SLC15A4: variants seen among roughly 807,000 people sequenced by gnomAD.
SLC15A4 encodes hPHT1.
Under a neutral mutation model 46.1 loss-of-function variants are expected in SLC15A4, and 26 were observed. The ratio of observed to expected loss-of-function variants is 0.56; its 90% CI spans 0.41 to 0.78. The LOEUF is 0.78. SLC15A4 is among the 30% of genes least tolerant of loss of function. The pLI, the probability that SLC15A4 is intolerant of heterozygous loss-of-function variation, is 0.00. For missense variants in SLC15A4, 751 were observed against 755.7 expected (o/e 0.99, Z 0.07); for synonymous variants, 370 against 333.4 (o/e 1.11, Z -1.20).
At chr12:128,806,902 CTTT>C (rs34407311) in intron 5 of SLC15A4, among the ~76,000 whole-genome samples, 3 of 108,280 alleles carry the variant, frequency 2.8e-5, no homozygotes, top group African/African-American at 7.3e-5. Context: ...TTTGCTAGCG[CTTT>C]TTTTTTTTTT....
intron 7 of SLC15A4, among the ~76,000 whole-genome samples, 176 bp from the exon 8 acceptor site, chr12:128,794,532 A>G (rs920215637): frequency 2.6e-5 from 4 of 152,330 alleles, no homozygotes; most frequent in Admixed American, 6.5e-5. Context: ...CCACTGAAGA[A>G]GCTCCCTGAA....
chr12:128,808,807 C>A lies in SLC15A4; in HGVS notation c.1239G>T (p.Met413Ile), dbSNP rs1955618262. The A allele has an allele frequency of 1.9e-6, 3 of 1,614,028 alleles. No homozygotes were observed. The highest frequency in any genetic ancestry group is 1.7e-5 in the Admixed American group (1 of 60,008). Residue 413 changes from methionine to isoleucine, a missense_variant, in exon 5 of 8, where the codon ATG becomes ATT. Coordinates refer to ENST00000266771, the MANE Select transcript of SLC15A4 (RefSeq NM_145648.4). ...KRIAVGMFFV[M>I]CSAFAAGILE... The stretch of plus-strand genomic sequence containing the variant: ...TCTTACCTGCAGCAAAGGCCGAGCA[C>A]ATGACAAAGAACATGCCCACGGCGA...
intron 7 of SLC15A4, among the ~76,000 whole-genome samples, chr12:128,796,192 A>G (rs1333182351): frequency 1.3e-5 from 2 of 152,148 alleles, no homozygotes; most frequent in African/African-American, 4.8e-5. Context: ...TGGGAGGCCA[A>G]GGTGGGTGAT....
At position 128,823,888 on chromosome 12, in the gene SLC15A4, C is replaced by CG; in HGVS notation, c.55dup (p.Arg19ProfsTer166). 1 of 943,424 alleles carries CG rather than the reference C, an allele frequency of 1.1e-6. No homozygotes were observed. Among genetic ancestry groups the CG allele is most frequent in the Non-Finnish European group, 1.3e-6 (1 of 794,364 alleles). 58.4% of individuals were successfully genotyped at this position (943,424 alleles called of 1,614,324 possible). The stretch of plus-strand genomic sequence containing the variant: ...AGCCGCCGCCGCGGCCGCCGCCGCC[C>CG]GCCGCGCGCCCAGCAGCGGCGCCCG... On this transcript the variant is annotated frameshift_variant, in exon 1 of 8. Transcript: ENST00000266771. LOFTEE classifies it high-confidence loss of function.
intron 1 of SLC15A4, among the ~76,000 whole-genome samples, chr12:128,817,183 C>G (rs576619716): frequency 1.3e-5 from 2 of 152,186 alleles, no homozygotes; most frequent in Non-Finnish European, 2.9e-5. Flanking sequence ...AGGTCCTAGA[C>G]CAAATGCAGA....
intron 2 of SLC15A4, among the ~76,000 whole-genome samples, chr12:128,812,734 G>A (rs577745802): frequency 1.2e-4 from 18 of 152,252 alleles, no homozygotes; most frequent in African/African-American, 3.9e-4. Context: ...AGGCCCCACC[G>A]TGAGCCCATG....
At chr12:128,813,844 A>C (rs1252963741) in intron 2 of SLC15A4, 1 of 152,306 alleles carries the variant, frequency 6.6e-6, no homozygotes, top group Non-Finnish European at 1.5e-5. Context: ...TGGTGGTTAC[A>C]CAACCTGAGT....
rs1566042198 is a variant in SLC15A4 at position 128,793,865 on chromosome 12, T to C, written c.*331A>G. On this transcript the variant is annotated 3_prime_UTR_variant, in exon 8 of 8. Transcript: ENST00000266771. ...AGAAACTGGGATGCCAACTAACACG[T>C]GGAGTTCCCCAAGACTTTGCAATCT... 1 of 203,962 alleles carries C rather than the reference T, an allele frequency of 4.9e-6. No homozygotes were observed. The highest frequency in any genetic ancestry group is 9.7e-6 in the Non-Finnish European group (1 of 102,880). 12.6% of individuals were successfully genotyped at this position (203,962 alleles called of 1,614,324 possible).
chr12:128,810,392 C>G, intron 2 of SLC15A4: 1 of 380,000 alleles, frequency 2.6e-6, no homozygotes, highest in Non-Finnish European at 4.9e-6. Context: ...CAGTGTGAAC[C>G]ACGGCTGAGC....
chr12:128,794,121 T>C lies in SLC15A4; in HGVS notation c.*75A>G. ...TCAGACATTTTATGGGAATTTAAAG[T>C]CTTGCCTGTTCTCAGTGCACCCCAG... is the stretch of plus-strand genomic sequence containing the variant. On this transcript the variant is annotated 3_prime_UTR_variant, in exon 8 of 8. Transcript: ENST00000266771. 1 of 1,340,636 alleles carries C rather than the reference T, an allele frequency of 7.5e-7. No homozygotes were observed. Among genetic ancestry groups the C allele is most frequent in the Non-Finnish European group, 1.0e-6 (1 of 975,562 alleles). 83.0% of individuals were successfully genotyped at this position (1,340,636 alleles called of 1,614,324 possible).
chr12:128,800,945 G>A lies in SLC15A4; in HGVS notation c.1323C>T (p.Asn441=), dbSNP rs1215651246. Residue 441 remains asparagine, a synonymous_variant, in exon 6 of 8, where the codon AAC becomes AAT. Coordinates refer to ENST00000266771, the MANE Select transcript of SLC15A4 (RefSeq NM_145648.4). ...KEKTINQTIG[N]VVYHAADLSL... Reference sequence around the variant, plus strand: ...ACAGATCGGCAGCATGGTAGACGACGTTGCCGATGGTCTGATTAATGGTTT... The same window carrying A: ...ACAGATCGGCAGCATGGTAGACGACATTGCCGATGGTCTGATTAATGGTTT... 6.2e-6 allele frequency: 10 copies of A among 1,614,012 alleles called. No homozygotes were observed. The highest frequency in any genetic ancestry group is 1.3e-5 in the African/African-American group (1 of 74,934).
At chr12:128,803,102 G>C (rs2135708649) in intron 5 of SLC15A4, among the ~76,000 whole-genome samples, 1 of 136,108 alleles carries the variant, frequency 7.3e-6, no homozygotes, top group South Asian at 2.5e-4. Context: ...TGCGACGCTG[G>C]ATAATCAACA....
chr12:128,802,822 G>A (rs1955533279), intron 5 of SLC15A4, among the ~76,000 whole-genome samples: 1 of 152,176 alleles, frequency 6.6e-6, no homozygotes, highest in Non-Finnish European at 1.5e-5. Flanking sequence ...GAGAAAATGA[G>A]AAAATAAATA....
chr12:128,815,050 T>G lies in SLC15A4; in HGVS notation c.567A>C (p.Glu189Asp). 1 of 1,608,760 alleles carries G rather than the reference T, an allele frequency of 6.2e-7. No homozygotes were observed. The highest frequency in any genetic ancestry group is 8.5e-7 in the Non-Finnish European group (1 of 1,175,394). The change falls in exon 2 of 8, where the codon GAA becomes GAC. Residue 189 changes from glutamate (E) to aspartate (D), a missense_variant. Transcript: ENST00000266771. ...GADQVKDRGP[E>D]ATRRFFNWFY... Reference sequence around the variant, plus strand: ...ACCAATTAAAAAATCTCCTAGTGGCTTCCGGACCTCGATCTTTAACCTAAA... The same window carrying G: ...ACCAATTAAAAAATCTCCTAGTGGCGTCCGGACCTCGATCTTTAACCTAAA...
intron 1 of SLC15A4, 149 bp from the exon 2 acceptor site, chr12:128,815,219 C>T (rs982814636): frequency 4.0e-6 from 3 of 754,320 alleles, no homozygotes; most frequent in Non-Finnish European, 6.4e-6. Context: ...GAAACATTCA[C>T]GGATCTCAAC....
chr12:128,823,341 C>G (rs1955877134), intron 1 of SLC15A4, 57 bp downstream of exon 1: 1 of 1,335,948 alleles, frequency 7.5e-7, no homozygotes, highest in South Asian at 1.8e-5. Flanking sequence ...GGGGAAGAGG[C>G]TGGGGCTGGG....
intron 3 of SLC15A4, 53 bp from the exon 4 acceptor site, chr12:128,809,526 C>G (rs1955628344): frequency 1.0e-5 from 12 of 1,152,290 alleles, no homozygotes; most frequent in Non-Finnish European, 1.5e-5. Context: ...CTCTCAAACA[C>G]TCTAAGCATC....
chr12:128,814,494 C>T (rs770993133), intron 2 of SLC15A4: 4 of 382,708 alleles, frequency 1.0e-5, no homozygotes, highest in Non-Finnish European at 1.9e-5. Context: ...CCTTTATAAT[C>T]TGGCACCAAA....
intron 1 of SLC15A4, among the ~76,000 whole-genome samples, chr12:128,821,243 G>C (rs908405887): frequency 2.0e-5 from 3 of 152,166 alleles, no homozygotes; most frequent in Non-Finnish European, 4.4e-5. Flanking sequence ...TACTTCCATA[G>C]CTGAACTCCA....
Sources: allele counts gnomAD v4.1 joint callset (sites outside exome capture counted in the v4.1 genomes callset), GRCh38; gene constraint gnomAD v4.1.1; transcripts MANE v1.5; gene names NCBI Gene and HGNC (gene_info 2026-07-23, HGNC 2026-07-21).